Variants in CELF4 observed in about 807,000 individuals in gnomAD.
The protein encoded by CELF4 is CUG-BP- and ETR-3-like factor 4.
In CELF4, 18 loss-of-function variants were observed where a neutral mutation model predicts 59.9. The ratio of observed to expected loss-of-function variants is 0.30; its 90% CI spans 0.21 to 0.45. The LOEUF (loss-of-function observed/expected upper bound fraction) is 0.45, where lower values mean the gene tolerates loss of function less well. CELF4 is among the 20% of genes least tolerant of loss of function. CELF4 has a pLI of 1.00. For missense variants in CELF4, 456 were observed against 689.0 expected (o/e 0.66, Z 3.79); for synonymous variants, 261 against 267.1 (o/e 0.98, Z 0.22).
At chr18:37,443,743 G>A (rs1296134504) in intron 2 of CELF4, among the ~76,000 whole-genome samples, 1 of 152,122 alleles carries the variant, frequency 6.6e-6, no homozygotes, top group African/African-American at 2.4e-5. Flanking sequence ...GGGGCTGGGG[G>A]TGGTCACTGA....
At position 37,275,097 on chromosome 18, in the gene CELF4, C is replaced by T. The variant is rs1288213730; in HGVS notation, c.577+18G>A. 2 of 1,611,336 alleles carry T rather than the reference C, an allele frequency of 1.2e-6. No homozygotes were observed. Among genetic ancestry groups the T allele is most frequent in the South Asian group, 1.1e-5 (1 of 90,972 alleles). ...GCCCCTCCCTCCGGGGCATCCCTCC[C>T]GGCCCCGCCCCGCGCACCCTTGCTG... On this transcript the variant is annotated intron_variant, in intron 4 of 12. Transcript: ENST00000420428.
chr18:37,438,013 C>A (rs985770318), intron 2 of CELF4, among the ~76,000 whole-genome samples: 1 of 152,156 alleles, frequency 6.6e-6, no homozygotes, highest in Non-Finnish European at 1.5e-5. Context: ...CTCCCTCCAA[C>A]ATGAAAGGAC....
At chr18:37,305,593 G>C (rs1367047504) in intron 3 of CELF4, 2 of 152,368 alleles carry the variant, frequency 1.3e-5, no homozygotes, top group Non-Finnish European at 2.9e-5. Flanking sequence ...GACCCACAGT[G>C]GGGTGGTGCT....
At chr18:37,419,015 G>A in intron 2 of CELF4, among the ~76,000 whole-genome samples, 1 of 152,322 alleles carries the variant, frequency 6.6e-6, no homozygotes, top group East Asian at 1.9e-4. Flanking sequence ...AAGAGTGGGA[G>A]ACCTGCTGGT....
intron 12 of CELF4, among the ~76,000 whole-genome samples, chr18:37,247,658 T>C (rs543252821): frequency 9.3e-5 from 14 of 150,520 alleles, no homozygotes; most frequent in African/African-American, 3.4e-4. Context: ...CGCACACACA[T>C]ACACACATAC....
At chr18:37,338,350 C>T (rs1243105492) in intron 2 of CELF4, among the ~76,000 whole-genome samples, 1 of 142,860 alleles carries the variant, frequency 7.0e-6, no homozygotes, top group Non-Finnish European at 1.5e-5. Context: ...GTCGCTGCCA[C>T]CATCTGTTAC....
intron 2 of CELF4, among the ~76,000 whole-genome samples, chr18:37,430,334 C>T (rs1486097644): frequency 1.3e-5 from 2 of 152,202 alleles, no homozygotes. Context: ...GATTAAATAG[C>T]AACAAAAATA....
intron 2 of CELF4, chr18:37,473,996 G>C (rs562140260): frequency 1.3e-5 from 2 of 152,186 alleles, no homozygotes; most frequent in Non-Finnish European, 2.9e-5. Context: ...TTGCATTCCC[G>C]ATAGAAGGGA....
At chr18:37,319,198 C>T (rs1331079235) in intron 3 of CELF4, among the ~76,000 whole-genome samples, 3 of 152,218 alleles carry the variant, frequency 2.0e-5, no homozygotes, top group Admixed American at 1.3e-4. Context: ...AGACACCCCT[C>T]GCACTGCTGT....
intron 2 of CELF4, among the ~76,000 whole-genome samples, chr18:37,434,919 C>A (rs140708996): frequency 4.3e-4 from 65 of 152,294 alleles, no homozygotes; most frequent in Middle Eastern, 6.8e-3. Context: ...AAATGGGCAT[C>A]TTGTCTTCCC....
At chr18:37,375,010 G>A (rs552613981) in intron 2 of CELF4, among the ~76,000 whole-genome samples, 17 of 152,292 alleles carry the variant, frequency 1.1e-4, no homozygotes, top group South Asian at 6.2e-4. Context: ...TGGTGTGTCG[G>A]CCTGTCTGGC....
chr18:37,373,578 A>G lies in CELF4; in HGVS notation c.370-51697T>C, dbSNP rs144838409. Among the ~76,000 whole-genome samples, 475 of 152,312 alleles carry G rather than the reference A, an allele frequency of 3.1e-3. 5 individuals carry two copies. Among genetic ancestry groups the G allele is most frequent in the East Asian group, 0.025 (127 of 5,176 alleles). ...ACTTGATCTTCACCCCAGTCATGTGAGAGGAGCATTTAGGACCTGCATTTT... is the reference window on the plus strand; with the variant it reads ...ACTTGATCTTCACCCCAGTCATGTGGGAGGAGCATTTAGGACCTGCATTTT... On this transcript the variant is annotated intron_variant, in intron 2 of 12. Coordinates refer to ENST00000420428, the MANE Select transcript of CELF4 (RefSeq NM_020180.4).
At chr18:37,353,220 C>CAAAAAAA (rs768540669) in intron 2 of CELF4, among the ~76,000 whole-genome samples, 2 of 96,718 alleles carry the variant, frequency 2.1e-5, no homozygotes, top group Admixed American at 1.4e-4. Context: ...GACTCCGTCT[C>CAAAAAAA]AAAAAAAAAA....
intron 3 of CELF4, among the ~76,000 whole-genome samples, chr18:37,278,523 T>C (rs72900338): frequency 0.22 from 33,322 of 152,182 alleles, 4,066 homozygotes; most frequent in Non-Finnish European, 0.25. Flanking sequence ...CCCGCTCCCC[T>C]GCTCCACAAC....
chr18:37,536,486 C>G (rs2099973612), intron 1 of CELF4, among the ~76,000 whole-genome samples: 1 of 152,218 alleles, frequency 6.6e-6, no homozygotes, highest in African/African-American at 2.4e-5. Flanking sequence ...GCAAGGGGTC[C>G]CCAGCTACAG....
At chr18:37,279,535 C>A (rs2093851739) in intron 3 of CELF4, among the ~76,000 whole-genome samples, 1 of 152,240 alleles carries the variant, frequency 6.6e-6, no homozygotes, top group South Asian at 2.1e-4. Flanking sequence ...GCATGTTCTA[C>A]AGTCTCTCAA....
chr18:37,352,980 G>A (rs1183513169), intron 2 of CELF4, among the ~76,000 whole-genome samples: 1 of 152,126 alleles, frequency 6.6e-6, no homozygotes, highest in Non-Finnish European at 1.5e-5. Flanking sequence ...CCAGCACTTT[G>A]GGAGGCCAAG....
intron 1 of CELF4, among the ~76,000 whole-genome samples, chr18:37,540,353 G>A (rs1308781337): frequency 6.6e-6 from 1 of 152,244 alleles, no homozygotes; most frequent in Non-Finnish European, 1.5e-5. Flanking sequence ...CTCTCTTTGT[G>A]TGTTGCTTTT....
chr18:37,563,250 T>C (rs1230853863), intron 1 of CELF4, among the ~76,000 whole-genome samples: 2 of 152,098 alleles, frequency 1.3e-5, no homozygotes, highest in Non-Finnish European at 2.9e-5. Flanking sequence ...CAAGGAATAT[T>C]GTTAAAGTTT....
Sources: allele counts gnomAD v4.1 joint callset (sites outside exome capture counted in the v4.1 genomes callset), GRCh38; gene constraint gnomAD v4.1.1; transcripts MANE v1.5; gene names NCBI Gene and HGNC (gene_info 2026-07-23, HGNC 2026-07-21).